Variants in CIMIP4 observed in about 807,000 individuals in gnomAD.
CIMIP4 encodes protein EAN57.
At chr22:37,004,998 G>A in the CIMIP4 span, among the ~76,000 whole-genome samples, 1 of 152,014 alleles carries the variant, frequency 6.6e-6, no homozygotes, top group Non-Finnish European at 1.5e-5. Flanking sequence ...TGTGACTTCG[G>A]TTTTGTTTGC....
chr22:36,998,810 G>A, the CIMIP4 span, among the ~76,000 whole-genome samples: 2 of 152,038 alleles, frequency 1.3e-5, no homozygotes, highest in Non-Finnish European at 2.9e-5. Context: ...TTCTTCCCAG[G>A]TGGCGCCACC....
chr22:37,002,260 G>C, the CIMIP4 span: 2 of 1,444,262 alleles, frequency 1.4e-6, no homozygotes, highest in Non-Finnish European at 1.8e-6. Flanking sequence ...AGTCCTGTTG[G>C]CCCTCCTTGT....
the CIMIP4 span, among the ~76,000 whole-genome samples, chr22:37,005,251 A>C: frequency 2.6e-5 from 4 of 152,262 alleles, no homozygotes; most frequent in African/African-American, 9.6e-5. Context: ...AGCCTGGATG[A>C]CACTTTCATT....
chr22:36,999,857 C>T, the CIMIP4 span: 41 of 1,613,456 alleles, frequency 2.5e-5, no homozygotes, highest in African/African-American at 8.0e-5. Flanking sequence ...CAAGTTTGAC[C>T]GCATGTTGTA....
At chr22:37,005,783 G>A in the CIMIP4 span, among the ~76,000 whole-genome samples, 3 of 152,196 alleles carry the variant, frequency 2.0e-5, no homozygotes, top group Non-Finnish European at 4.4e-5. Flanking sequence ...CTTGCTGCTT[G>A]TAGTGAAATG....
the CIMIP4 span, among the ~76,000 whole-genome samples, chr22:36,993,584 C>T: frequency 6.6e-5 from 10 of 150,724 alleles, no homozygotes; most frequent in Non-Finnish European, 1.5e-4. Context: ...AAAAAATTAG[C>T]CGGGCGTTGT....
chr22:36,996,469 CA>C, the CIMIP4 span, among the ~76,000 whole-genome samples: 28 of 148,676 alleles, frequency 1.9e-4, no homozygotes, highest in African/African-American at 6.5e-4. Context: ...GTAAGTCTAA[CA>C]AAAAAACCTG....
the CIMIP4 span, among the ~76,000 whole-genome samples, chr22:36,994,881 C>T: frequency 3.1e-3 from 468 of 152,200 alleles, 16 homozygotes; most frequent in East Asian, 0.084. Context: ...CCACCCGCCT[C>T]GGCCTCCCAA....
the CIMIP4 span, among the ~76,000 whole-genome samples, chr22:36,994,985 G>A: frequency 6.6e-6 from 1 of 152,010 alleles, no homozygotes; most frequent in Non-Finnish European, 1.5e-5. Context: ...CCATCTACTG[G>A]GCTCTAAAGC....
chr22:37,001,754 A>G, the CIMIP4 span: 1 of 1,338,670 alleles, frequency 7.5e-7, no homozygotes, highest in Non-Finnish European at 1.0e-6. Context: ...GTATTATTAT[A>G]GGGACTCTGT....
At chr22:36,994,433 A>T in the CIMIP4 span, among the ~76,000 whole-genome samples, 1 of 151,034 alleles carries the variant, frequency 6.6e-6, no homozygotes, top group African/African-American at 2.4e-5. Flanking sequence ...GGTTCAAGCG[A>T]TTCTTCTGCC....
At chr22:37,004,129 G>T in the CIMIP4 span, 1 of 1,067,654 alleles carries the variant, frequency 9.4e-7, no homozygotes, top group Middle Eastern at 2.1e-4. Context: ...CTGTCTGCCC[G>T]CCCCTGATCA....
the CIMIP4 span, chr22:36,991,541 C>A: frequency 6.2e-7 from 1 of 1,614,206 alleles, no homozygotes. Flanking sequence ...TTCTCAATGA[C>A]CTCTGGTGTG....
the CIMIP4 span, chr22:36,999,971 A>G: frequency 6.8e-6 from 11 of 1,612,792 alleles, no homozygotes; most frequent in Non-Finnish European, 8.5e-6. Flanking sequence ...GACTTCATCA[A>G]TAGCCTTTTG....
chr22:37,002,033 G>A, the CIMIP4 span: 2 of 1,611,720 alleles, frequency 1.2e-6, no homozygotes, highest in Non-Finnish European at 1.7e-6. Flanking sequence ...GGAGGATCGA[G>A]AGCCCGCATT....
chr22:36,991,368 A>C, the CIMIP4 span: 1 of 1,552,664 alleles, frequency 6.4e-7, no homozygotes, highest in Non-Finnish European at 8.9e-7. Flanking sequence ...TACCTCTTCC[A>C]AGTCCACCCC....
chr22:37,004,183 C>A, the CIMIP4 span, among the ~76,000 whole-genome samples: 1 of 152,138 alleles, frequency 6.6e-6, no homozygotes, highest in Non-Finnish European at 1.5e-5. Flanking sequence ...ACTGCCCAGA[C>A]CCACGGAGCC....
the CIMIP4 span, chr22:37,002,220 A>G: frequency 2.7e-6 from 4 of 1,465,440 alleles, no homozygotes; most frequent in Non-Finnish European, 3.6e-6. Flanking sequence ...GAGGTGTCCA[A>G]GGAACTGTAG....
At chr22:36,993,723 C>T in the CIMIP4 span, among the ~76,000 whole-genome samples, 1 of 150,226 alleles carries the variant, frequency 6.7e-6, no homozygotes. Context: ...AGTGAGACTC[C>T]ATCTCAAAAA....
Sources: gnomAD v4.1 joint callset for allele counts (sites outside exome capture counted in the v4.1 genomes callset) on GRCh38, gnomAD v4.1.1 for gene constraint, MANE v1.5 for transcripts, NCBI Gene and HGNC (gene_info 2026-07-23, HGNC 2026-07-21) for gene names.